The following FRMD4A variants were observed in gnomAD, a reference collection of about 807,000 sequenced individuals.
The protein encoded by FRMD4A is FERM domain containing 4A.
FRMD4A carries 29 observed loss-of-function variants against 129.1 expected under a neutral mutation model. The observed-to-expected ratio is 0.22, with a 90% CI of 0.17 to 0.31. The LOEUF is 0.31. Among genes scored for constraint, FRMD4A ranks in the 10% least tolerant of loss-of-function variants. The pLI is 1.00. For missense variants in FRMD4A, 1,272 were observed against 1,375.8 expected, an observed-to-expected ratio of 0.92 and a Z score of 1.19; for synonymous variants, 634 against 571.6, an observed-to-expected ratio of 1.11 and a Z score of -1.56.
rs981657149 is a variant in FRMD4A, at chr10:13,709,051, C to T, written c.760-1938G>A. Among the ~76,000 whole-genome samples the T allele has an allele frequency of 3.4e-4, 51 of 152,124 alleles. 1 individual carries two copies. The highest frequency in any genetic ancestry group is 3.2e-3 in the Admixed American group (49 of 15,278). ...GATCTCGGCTCACTGCAACCTCTGCCTCTCGGGTTCAAGCGATTCTTGTGC... is the reference window on the plus strand; with the variant it reads ...GATCTCGGCTCACTGCAACCTCTGCTTCTCGGGTTCAAGCGATTCTTGTGC... On this transcript the variant is annotated intron_variant, in intron 12 of 24. Coordinates refer to ENST00000357447, the MANE Select transcript of FRMD4A (RefSeq NM_018027.5).
intron 12 of FRMD4A, among the ~76,000 whole-genome samples, chr10:13,711,304 A>G (rs988131430): frequency 5.2e-4 from 79 of 152,350 alleles, no homozygotes; most frequent in African/African-American, 1.8e-3. Context: ...AGGCTGGCAG[A>G]GCAAACACAA....
chr10:13,994,917 A>G (rs997305455), intron 2 of FRMD4A, among the ~76,000 whole-genome samples: 4 of 152,106 alleles, frequency 2.6e-5, no homozygotes, highest in African/African-American at 4.8e-5. Context: ...TTTGACACAT[A>G]TTTGAGTTTA....
In FRMD4A at chr10:13,739,307, A is replaced by C. The variant is rs185689774; in HGVS notation, c.672+887T>G. On this transcript the variant is annotated intron_variant, in intron 11 of 24. Transcript: ENST00000357447. ...TCTGGGAAGCAGCTGTGTGCACTGCAACGGTTTCAGAGAACAGAACAAGAG... is the reference window on the plus strand; with the variant it reads ...TCTGGGAAGCAGCTGTGTGCACTGCCACGGTTTCAGAGAACAGAACAAGAG... Among the ~76,000 whole-genome samples, 216 of 152,328 alleles carry C rather than the reference A, an allele frequency of 1.4e-3. 1 individual carries two copies. Among genetic ancestry groups the C allele is most frequent in the Admixed American group, 4.1e-3 (62 of 15,302 alleles).
intron 2 of FRMD4A, among the ~76,000 whole-genome samples, chr10:14,082,092 A>G (rs572973897): frequency 6.6e-6 from 1 of 152,178 alleles, no homozygotes; most frequent in East Asian, 1.9e-4. Context: ...CTAAAAATAC[A>G]AGAAATTAGC....
In FRMD4A at chr10:13,814,217, T is replaced by C. The variant is rs72771039; in HGVS notation, c.112-3309A>G. 6.6e-3 allele frequency among the ~76,000 whole-genome samples: 1,006 copies of C among 152,282 alleles called. 4 individuals carry two copies. The highest frequency in any genetic ancestry group is 0.01 in the Non-Finnish European group (694 of 68,028). On this transcript the variant is annotated intron_variant, in intron 3 of 24. Transcript: ENST00000357447. ...ATGAAGTGTGACTACAAAGTAATTA[T>C]TGTGGGTTCTTGGGGATTATGGTGA...
intron 2 of FRMD4A, among the ~76,000 whole-genome samples, chr10:14,141,806 C>T (rs1022260756): frequency 6.6e-5 from 9 of 136,208 alleles, no homozygotes; most frequent in South Asian, 2.7e-4. Flanking sequence ...TAGAGGTGTA[C>T]GTGTGCACAT....
chr10:13,741,450 C>CA (rs1206076363), intron 9 of FRMD4A, among the ~76,000 whole-genome samples: 1 of 151,208 alleles, frequency 6.6e-6, no homozygotes, highest in Non-Finnish European at 1.5e-5. Context: ...GACCCTGGCT[C>CA]AAAAACAAAA....
chr10:13,735,786 G>C (rs1175753205), intron 12 of FRMD4A, among the ~76,000 whole-genome samples: 1 of 152,190 alleles, frequency 6.6e-6, no homozygotes, highest in Non-Finnish European at 1.5e-5. Flanking sequence ...ATGTATTGCA[G>C]CCAGAATTTT....
chr10:13,837,369 T>C (rs1448324980), intron 3 of FRMD4A, among the ~76,000 whole-genome samples: 3 of 152,188 alleles, frequency 2.0e-5, no homozygotes, highest in Admixed American at 6.5e-5. Context: ...GACACTTGGA[T>C]TCTGGAGTCC....
intron 2 of FRMD4A, among the ~76,000 whole-genome samples, chr10:14,271,503 C>T (rs1414393645): frequency 6.6e-6 from 1 of 152,216 alleles, no homozygotes; most frequent in Non-Finnish European, 1.5e-5. Flanking sequence ...GAAGAAACCC[C>T]TTGCAGACGG....
In FRMD4A at chr10:13,686,879, AC is replaced by A. The variant is rs572552834; in HGVS notation, c.1117+7018del. 1.3e-3 allele frequency among the ~76,000 whole-genome samples: 200 copies of A among 152,364 alleles called. 2 individuals are homozygous for A. The highest frequency in any genetic ancestry group is 4.6e-3 in the African/African-American group (191 of 41,576). On this transcript the variant is annotated intron_variant, in intron 15 of 24. Transcript: ENST00000357447. ...TTTATTCGTTTCAGTGGTTAATACA[AC>A]AAGCCACACGTCCCTGCAGCACACT...
intron 1 of FRMD4A, among the ~76,000 whole-genome samples, chr10:14,330,387 C>G (rs1160413061): frequency 2.0e-5 from 3 of 152,050 alleles, no homozygotes; most frequent in Non-Finnish European, 2.9e-5. Context: ...CAAAGCGGCA[C>G]AGACAGGGAG....
At chr10:13,947,459 G>T (rs2095340210) in intron 2 of FRMD4A, among the ~76,000 whole-genome samples, 1 of 152,024 alleles carries the variant, frequency 6.6e-6, no homozygotes, top group Non-Finnish European at 1.5e-5. Flanking sequence ...CCCTCTCTGT[G>T]GTAAGATGGA....
chr10:13,834,838 G>C (rs142848161), intron 3 of FRMD4A, among the ~76,000 whole-genome samples: 1 of 152,140 alleles, frequency 6.6e-6, no homozygotes, highest in Non-Finnish European at 1.5e-5. Context: ...TAAGCTGACA[G>C]GGTTAACATT....
intron 2 of FRMD4A, among the ~76,000 whole-genome samples, chr10:14,228,544 G>C (rs1316636847): frequency 6.6e-6 from 1 of 152,190 alleles, no homozygotes; most frequent in Non-Finnish European, 1.5e-5. Flanking sequence ...CCAAAATGCA[G>C]AATGAAGTTT....
intron 2 of FRMD4A, among the ~76,000 whole-genome samples, chr10:13,905,568 G>A (rs888712642): frequency 1.3e-5 from 2 of 151,996 alleles, no homozygotes; most frequent in Non-Finnish European, 2.9e-5. Context: ...AATATGATCA[G>A]CTCATAATAA....
intron 3 of FRMD4A, among the ~76,000 whole-genome samples, chr10:13,857,021 C>T (rs2094223277): frequency 6.6e-6 from 1 of 152,114 alleles, no homozygotes; most frequent in Non-Finnish European, 1.5e-5. Context: ...AACGAGATCT[C>T]ACTCAATTTG....
At chr10:14,037,074 C>T (rs1023563236) in intron 2 of FRMD4A, among the ~76,000 whole-genome samples, 1 of 152,224 alleles carries the variant, frequency 6.6e-6, no homozygotes, top group African/African-American at 2.4e-5. Flanking sequence ...GTGGCAACCA[C>T]TTTTACATGC....
chr10:13,908,079 C>T (rs1368670832), intron 2 of FRMD4A, among the ~76,000 whole-genome samples: 4 of 142,800 alleles, frequency 2.8e-5, no homozygotes, highest in Non-Finnish European at 3.0e-5. Context: ...GCAGGAGAAT[C>T]GCTTGAACCC....
Sources: gnomAD v4.1 joint callset for allele counts (sites outside exome capture counted in the v4.1 genomes callset) on GRCh38, gnomAD v4.1.1 for gene constraint, MANE v1.5 for transcripts, NCBI Gene and HGNC (gene_info 2026-07-23, HGNC 2026-07-21) for gene names.